The following BID variants were observed in gnomAD, a reference collection of about 807,000 sequenced individuals.
BID encodes BH3-interacting domain death agonist.
In BID, 19 loss-of-function variants were observed where a neutral mutation model predicts 17.4. The observed-to-expected ratio is 1.09, with a 90% CI of 0.76 to 1.60. BID has a LOEUF of 1.60. Among genes scored for constraint, BID ranks in the 40% most tolerant of loss-of-function variants. BID has a pLI of 0.00. For missense variants in BID, 226 were observed against 256.0 expected (o/e 0.88, Z 0.80); for synonymous variants, 108 against 102.8 (o/e 1.05, Z -0.31).
At chr22:17,756,323 GCC>G (rs2061582625) in intron 1 of BID, among the ~76,000 whole-genome samples, 1 of 152,212 alleles carries the variant, frequency 6.6e-6, no homozygotes, top group East Asian at 1.9e-4. Context: ...GCAAAACTGG[GCC>G]CAACAGCCAC....
chr22:17,757,996 T>C (rs1348722118), intron 1 of BID, among the ~76,000 whole-genome samples: 2 of 152,218 alleles, frequency 1.3e-5, no homozygotes, highest in African/African-American at 4.8e-5. Flanking sequence ...CATGTGGGGC[T>C]GACAGCATAG....
At chr22:17,742,417 C>A (rs767244959) in intron 3 of BID, among the ~76,000 whole-genome samples, 2 of 152,270 alleles carry the variant, frequency 1.3e-5, no homozygotes, top group Admixed American at 1.3e-4. Context: ...CAGTTCAGGG[C>A]GAGCCAGAAG....
At chr22:17,751,376 C>G (rs1260069592) in intron 1 of BID, among the ~76,000 whole-genome samples, 3 of 146,280 alleles carry the variant, frequency 2.1e-5, no homozygotes, top group Non-Finnish European at 4.5e-5. Flanking sequence ...GAGACTCCGT[C>G]TCAAAAAAAA....
At chr22:17,745,609 C>G (rs1311501861) in intron 2 of BID, among the ~76,000 whole-genome samples, 1 of 152,084 alleles carries the variant, frequency 6.6e-6, no homozygotes, top group African/African-American at 2.4e-5. Flanking sequence ...ATGATCACAC[C>G]ACTGCACTCC....
intron 2 of BID, among the ~76,000 whole-genome samples, chr22:17,748,955 C>T (rs2061516722): frequency 6.6e-6 from 1 of 152,204 alleles, no homozygotes; most frequent in Non-Finnish European, 1.5e-5. Context: ...TAACATCAAA[C>T]TCGAGCCACT....
intron 3 of BID, among the ~76,000 whole-genome samples, chr22:17,742,539 G>T (rs2061467674): frequency 8.5e-6 from 1 of 117,608 alleles, no homozygotes; most frequent in Non-Finnish European, 1.6e-5. Context: ...TCAAGCACCT[G>T]ATCTAAGACA....
chr22:17,773,816 A>G lies in BID; in HGVS notation c.-59+565T>C. 2 of 915,018 alleles carry G rather than the reference A, an allele frequency of 2.2e-6. No homozygotes were observed. The highest frequency in any genetic ancestry group is 3.3e-6 in the Non-Finnish European group (2 of 597,728). 56.7% of individuals were successfully genotyped at this position (915,018 alleles called of 1,614,324 possible). A position where few individuals can be genotyped will look rare whatever the true frequency, so the allele number is the denominator to read the frequency against. On this transcript the variant is annotated intron_variant, in intron 1 of 5. Coordinates refer to ENST00000622694, the MANE Select transcript of BID (RefSeq NM_001196.4). The surrounding 1 kb of genome is among the most constrained non-coding windows in gnomAD (Gnocchi z 4.4). The stretch of plus-strand genomic sequence containing the variant: ...CAACAGTTTCCCAGCAGCAGCAGCG[A>G]GGATCCGCACATCATTGCCAGTGCT...
At chr22:17,742,720 A>T (rs1569039831) in intron 3 of BID, among the ~76,000 whole-genome samples, 1 of 152,212 alleles carries the variant, frequency 6.6e-6, no homozygotes, top group Non-Finnish European at 1.5e-5. Flanking sequence ...GCCCTAAAAC[A>T]GCCTGATGCA....
At chr22:17,748,632 G>T (rs185324336) in intron 2 of BID, among the ~76,000 whole-genome samples, 113 of 152,342 alleles carry the variant, frequency 7.4e-4, no homozygotes, top group African/African-American at 2.5e-3. Context: ...CAGCTCTGTG[G>T]CCCTGGGCGG....
chr22:17,736,606 G>T (rs1045268224), intron 5 of BID, among the ~76,000 whole-genome samples: 7 of 152,300 alleles, frequency 4.6e-5, no homozygotes, highest in African/African-American at 1.7e-4. Context: ...GGCCCTTCTT[G>T]GGCAGCATTG....
chr22:17,735,881 G>A (rs2061415844), intron 5 of BID, among the ~76,000 whole-genome samples: 1 of 152,208 alleles, frequency 6.6e-6, no homozygotes, highest in Non-Finnish European at 1.5e-5. Flanking sequence ...TCTCTGGTAA[G>A]CTGTCCATAC....
chr22:17,748,405 G>T (rs572574049), intron 2 of BID, among the ~76,000 whole-genome samples: 148 of 151,676 alleles, frequency 9.8e-4, no homozygotes, highest in Non-Finnish European at 1.5e-3. Context: ...CTACTCGGGA[G>T]GCTGAGGCAG....
chr22:17,767,838 C>T (rs1469044713), intron 1 of BID, among the ~76,000 whole-genome samples: 8 of 152,174 alleles, frequency 5.3e-5, no homozygotes, highest in Admixed American at 2.0e-4. Flanking sequence ...AAAAGGCCAG[C>T]ACTGTGGGAG....
At chr22:17,761,848 C>G (rs1180739494) in intron 1 of BID, among the ~76,000 whole-genome samples, 6 of 152,194 alleles carry the variant, frequency 3.9e-5, no homozygotes, top group African/African-American at 1.2e-4. Flanking sequence ...TTTTCAGACT[C>G]AGGTACCATG....
intron 1 of BID, among the ~76,000 whole-genome samples, chr22:17,765,388 TACCTAGTA>T (rs1219479808): frequency 6.6e-6 from 1 of 152,170 alleles, no homozygotes; most frequent in Non-Finnish European, 1.5e-5. Flanking sequence ...AACCCAGGTA[TACCTAGTA>T]ACCAATGTTT....
intron 1 of BID, among the ~76,000 whole-genome samples, chr22:17,751,524 A>G (rs1989294070): frequency 6.6e-6 from 1 of 152,098 alleles, no homozygotes; most frequent in South Asian, 2.1e-4. Flanking sequence ...TGAAATGGCC[A>G]TTTTGTAGGA....
rs180978013 is a variant in BID at position 17,750,687 on chromosome 22, G to C, written c.-58-513C>G. Among the ~76,000 whole-genome samples, 3 of 152,206 alleles carry C rather than the reference G, an allele frequency of 2.0e-5. No homozygotes were observed. In the East Asian group the frequency reaches 5.8e-4, roughly 30 times the overall value. Reference sequence around the variant, plus strand: ...ACTAAAAATACAAAAAATTAGCCGGGCGTGGTGGCGGGCGCCTGTAGTCCC... The same window carrying C: ...ACTAAAAATACAAAAAATTAGCCGGCCGTGGTGGCGGGCGCCTGTAGTCCC... On this transcript the variant is annotated intron_variant, in intron 1 of 5. Transcript: ENST00000622694.
chr22:17,765,732 TGACGA>T (rs2061673458), intron 1 of BID, among the ~76,000 whole-genome samples: 1 of 152,306 alleles, frequency 6.6e-6, no homozygotes, highest in African/African-American at 2.4e-5. Context: ...ATATACCTAA[TGACGA>T]GTTAATGGGT....
chr22:17,763,249 CT>C (rs34804063), intron 1 of BID, among the ~76,000 whole-genome samples: 38 of 146,586 alleles, frequency 2.6e-4, no homozygotes, highest in Non-Finnish European at 2.7e-4. Context: ...TTAATTATAA[CT>C]TTTTTTTTTT....
Sources: allele counts gnomAD v4.1 joint callset (sites outside exome capture counted in the v4.1 genomes callset), GRCh38; gene constraint gnomAD v4.1.1; non-coding constraint Gnocchi (gnomAD v3.1); transcripts MANE v1.5; gene names NCBI Gene and HGNC (gene_info 2026-07-23, HGNC 2026-07-21).